The following DCC variants were observed in gnomAD, a reference collection of about 807,000 sequenced individuals.
DCC encodes the protein DCC netrin 1 receptor, also known as netrin receptor DCC.
DCC carries 58 observed loss-of-function variants against 172.5 expected under a neutral mutation model. The observed-to-expected ratio is 0.34, with a 90% CI of 0.27 to 0.42. DCC has a LOEUF of 0.42. Ranked by LOEUF, DCC falls within the 10% of genes least tolerant of loss-of-function variation. The pLI is 1.00. For missense variants in DCC, 1,740 were observed against 1,791.0 expected, an observed-to-expected ratio of 0.97 and a Z score of 0.51; for synonymous variants, 709 against 644.5, an observed-to-expected ratio of 1.10 and a Z score of -1.52.
chr18:53,075,539 T>C (rs915763745), intron 7 of DCC, among the ~76,000 whole-genome samples: 3 of 141,498 alleles, frequency 2.1e-5, no homozygotes, highest in Admixed American at 7.0e-5. Context: ...CAGAGTGTTA[T>C]CCCATTTTTT....
chr18:52,775,370 C>T (rs1183516717), intron 2 of DCC, among the ~76,000 whole-genome samples: 1 of 152,192 alleles, frequency 6.6e-6, no homozygotes, highest in African/African-American at 2.4e-5. Context: ...CTACCGGAGG[C>T]TTGTGTTAAG....
chr18:53,346,154 A>T (rs1000813371), intron 15 of DCC, among the ~76,000 whole-genome samples: 17 of 152,062 alleles, frequency 1.1e-4, no homozygotes, highest in Non-Finnish European at 2.2e-4. Context: ...TCAACATGAC[A>T]TTCAAAATGT....
At chr18:53,160,375 A>G (rs1393638907) in intron 8 of DCC, among the ~76,000 whole-genome samples, 1 of 152,146 alleles carries the variant, frequency 6.6e-6, no homozygotes. Context: ...CAATCTGTTG[A>G]TCCTATCCCT....
intron 12 of DCC, among the ~76,000 whole-genome samples, chr18:53,295,169 A>AT (rs1010140767): frequency 5.3e-5 from 8 of 152,164 alleles, no homozygotes; most frequent in Non-Finnish European, 1.0e-4. Context: ...ATACTGATAC[A>AT]TTTTGTCTAA....
At chr18:52,610,071 T>C (rs921154314) in intron 1 of DCC, among the ~76,000 whole-genome samples, 1 of 145,862 alleles carries the variant, frequency 6.9e-6, no homozygotes, top group Non-Finnish European at 1.5e-5. Context: ...CCCAACATTT[T>C]GGGATGCTGA....
intron 1 of DCC, among the ~76,000 whole-genome samples, chr18:52,432,083 C>G (rs555581028): frequency 2.9e-4 from 44 of 152,212 alleles, no homozygotes; most frequent in African/African-American, 1.1e-3. Flanking sequence ...TCCCTGATGG[C>G]TTTTATATAT....
intron 7 of DCC, among the ~76,000 whole-genome samples, chr18:53,112,860 A>G (rs868353415): frequency 1.3e-5 from 2 of 151,628 alleles, no homozygotes; most frequent in Middle Eastern, 3.4e-3. Flanking sequence ...TCAGCATCCA[A>G]TTGTGTAATT....
chr18:52,565,970 G>A (rs1016211246), intron 1 of DCC, among the ~76,000 whole-genome samples: 2 of 152,056 alleles, frequency 1.3e-5, no homozygotes, highest in African/African-American at 4.8e-5. Context: ...TATGGTTTTA[G>A]GTCTTATGTT....
chr18:53,072,813 C>G (rs1054011145), intron 7 of DCC, among the ~76,000 whole-genome samples: 4 of 152,154 alleles, frequency 2.6e-5, no homozygotes, highest in African/African-American at 9.7e-5. Flanking sequence ...GTGGAGTAGA[C>G]AGAGCACAGA....
chr18:53,166,471 A>T (rs534380424), intron 8 of DCC, among the ~76,000 whole-genome samples: 1 of 152,246 alleles, frequency 6.6e-6, no homozygotes, highest in African/African-American at 2.4e-5. Context: ...AAGAAAACAG[A>T]ATGATAAAAG....
intron 1 of DCC, among the ~76,000 whole-genome samples, chr18:52,685,760 T>C (rs1489150383): frequency 6.6e-6 from 1 of 152,134 alleles, no homozygotes; most frequent in African/African-American, 2.4e-5. Context: ...TATTATATTT[T>C]CAAATCACGA....
chr18:52,362,339 C>A (rs1348751866), intron 1 of DCC, among the ~76,000 whole-genome samples: 1 of 152,232 alleles, frequency 6.6e-6, no homozygotes, highest in Non-Finnish European at 1.5e-5. Context: ...ACAGGACTTA[C>A]TTGATAAACA....
intron 15 of DCC, among the ~76,000 whole-genome samples, chr18:53,376,940 G>A (rs1907332025): frequency 6.6e-6 from 1 of 151,994 alleles, no homozygotes; most frequent in Non-Finnish European, 1.5e-5. Flanking sequence ...CTCAGTTCAG[G>A]CCCCTATGGT....
In DCC at chr18:53,107,449, A is replaced by G. The variant is rs2043265533; in HGVS notation, c.1261+41283A>G. Among the ~76,000 whole-genome samples, 4 of 151,266 alleles carry G rather than the reference A, an allele frequency of 2.6e-5. No individual in the cohort carries two copies. In the Admixed American group the frequency reaches 2.6e-4, roughly 10 times the overall value. On this transcript the variant is annotated intron_variant, in intron 7 of 28. Coordinates refer to ENST00000442544, the MANE Select transcript of DCC (RefSeq NM_005215.4). ...TGAACTCTAAATTGAAAAACTTTAA[A>G]TGACTATCCTATAGAAGAGAATTGT...
intron 5 of DCC, among the ~76,000 whole-genome samples, chr18:52,990,733 G>T (rs2041376301): frequency 1.3e-5 from 2 of 151,970 alleles, no homozygotes; most frequent in African/African-American, 2.4e-5. Flanking sequence ...TGGAAGAATA[G>T]CTTATTTGTG....
intron 1 of DCC, among the ~76,000 whole-genome samples, chr18:52,535,435 C>T (rs1296223355): frequency 6.6e-6 from 1 of 152,056 alleles, no homozygotes; most frequent in African/African-American, 2.4e-5. Flanking sequence ...TCATTGTATC[C>T]CATTTTGTAT....
At chr18:52,577,134 T>C (rs1245496041) in intron 1 of DCC, among the ~76,000 whole-genome samples, 1 of 152,240 alleles carries the variant, frequency 6.6e-6, no homozygotes, top group Non-Finnish European at 1.5e-5. Context: ...GGAGACACAT[T>C]GCAGTTGTTT....
At chr18:52,691,638 G>A (rs936155852) in intron 1 of DCC, among the ~76,000 whole-genome samples, 7 of 152,140 alleles carry the variant, frequency 4.6e-5, no homozygotes, top group Non-Finnish European at 1.0e-4. Flanking sequence ...ATTGGGTTCA[G>A]TGCCCACTGT....
chr18:52,871,577 C>A (rs913144594), intron 2 of DCC, among the ~76,000 whole-genome samples: 2 of 152,172 alleles, frequency 1.3e-5, no homozygotes, highest in Non-Finnish European at 1.5e-5. Context: ...CATCCTCCTA[C>A]CTTCATAGCT....
Sources: allele counts gnomAD v4.1 joint callset (sites outside exome capture counted in the v4.1 genomes callset), GRCh38; gene constraint gnomAD v4.1.1; transcripts MANE v1.5; gene names NCBI Gene and HGNC (gene_info 2026-07-23, HGNC 2026-07-21).